The following NAT1 variants were observed in gnomAD, a reference collection of about 807,000 sequenced individuals.
NAT1 encodes N-acetyltransferase 1.
For missense variants in NAT1, 400 were observed against 339.2 expected (o/e 1.18, Z -1.41); for synonymous variants, 144 against 122.6 (o/e 1.17, Z -1.16).
At chr8:18,175,463 C>G (rs1232099262) in intron 2 of NAT1, among the ~76,000 whole-genome samples, 1 of 152,036 alleles carries the variant, frequency 6.6e-6, no homozygotes, top group Non-Finnish European at 1.5e-5. Context: ...TAAGATTATA[C>G]AGTATTTGTT....
chr8:18,199,895 G>A (rs1803391636), intron 2 of NAT1, among the ~76,000 whole-genome samples: 1 of 152,158 alleles, frequency 6.6e-6, no homozygotes, highest in Non-Finnish European at 1.5e-5. Context: ...CATACACATG[G>A]CCAACAAGTA....
At chr8:18,173,100 G>C (rs773174061) in intron 2 of NAT1, among the ~76,000 whole-genome samples, 1 of 151,540 alleles carries the variant, frequency 6.6e-6, no homozygotes, top group Non-Finnish European at 1.5e-5. Flanking sequence ...TCTCTGACTG[G>C]GCTCTCCTGG....
At chr8:18,213,675 T>C (rs532878252) in intron 1 of NAT1, among the ~76,000 whole-genome samples, 2 of 152,160 alleles carry the variant, frequency 1.3e-5, no homozygotes, top group Non-Finnish European at 2.9e-5. Flanking sequence ...GGCTCATGAA[T>C]TGCTATCTGT....
chr8:18,193,386 G>C lies in NAT1; in HGVS notation n.93-16395G>C, dbSNP rs903722942. 2.7e-5 allele frequency among the ~76,000 whole-genome samples: 4 copies of C among 149,786 alleles called. No homozygotes were observed. The South Asian group carries it at 6.3e-4, about 24-fold the overall frequency. On this transcript the variant is annotated intron_variant and non_coding_transcript_variant, in intron 2 of 4. Transcript: ENST00000517441. ...GCAGGAAGACTGCTTGAGCCTGGGA[G>C]GCAGGGGTTGCAGTGAGCTGAGATC...
At chr8:18,205,120 T>A (rs1803652411), upstream of NAT1, among the ~76,000 whole-genome samples, 1 of 152,114 alleles carries the variant, frequency 6.6e-6, no homozygotes. Context: ...GCCAAAGCAT[T>A]TCATAGTGCG....
At chr8:18,199,969 T>TC (rs1563174840) in intron 2 of NAT1, among the ~76,000 whole-genome samples, 1 of 151,998 alleles carries the variant, frequency 6.6e-6, no homozygotes, top group East Asian at 1.9e-4. Flanking sequence ...TGAGATACCA[T>TC]CCCCCACCAG....
At chr8:18,208,230 T>C (rs1181072739), upstream of NAT1, among the ~76,000 whole-genome samples, 1 of 151,990 alleles carries the variant, frequency 6.6e-6, no homozygotes, top group Non-Finnish European at 1.5e-5. Context: ...ATGGCACACA[T>C]TGACCTACGT....
At chr8:18,174,907 C>T (rs2117200439) in intron 2 of NAT1, among the ~76,000 whole-genome samples, 1 of 152,166 alleles carries the variant, frequency 6.6e-6, no homozygotes, top group South Asian at 2.1e-4. Flanking sequence ...ACACAGTCCT[C>T]AAAGGGTTTA....
chr8:18,196,589 C>T (rs1464858625), intron 2 of NAT1, among the ~76,000 whole-genome samples: 1 of 152,164 alleles, frequency 6.6e-6, no homozygotes, highest in African/African-American at 2.4e-5. Context: ...GACTTTGTTA[C>T]TTCTTTGCAT....
chr8:18,189,009 A>AAAAAG (rs1329509282), intron 2 of NAT1, among the ~76,000 whole-genome samples: 139 of 149,204 alleles, frequency 9.3e-4, no homozygotes, highest in African/African-American at 1.1e-3. Context: ...AAAAAAAAAA[A>AAAAAG]AAAGAAAGAA....
chr8:18,194,431 C>T (rs1212711575), intron 2 of NAT1, among the ~76,000 whole-genome samples: 3 of 152,150 alleles, frequency 2.0e-5, no homozygotes, highest in Non-Finnish European at 1.5e-5. Context: ...CAAGTCGTAT[C>T]TGTTGAGTCC....
At chr8:18,186,482 A>G (rs1268451255) in intron 2 of NAT1, among the ~76,000 whole-genome samples, 2 of 152,018 alleles carry the variant, frequency 1.3e-5, no homozygotes, top group Non-Finnish European at 2.9e-5. Context: ...TGTGTTTAAT[A>G]TCGCTACACA....
rs370519334 is a variant in NAT1, at chr8:18,192,790, C to T, written n.93-16991C>T. Among the ~76,000 whole-genome samples the T allele has an allele frequency of 1.7e-4, 25 of 148,152 alleles. 1 individual carries two copies. In the South Asian group the frequency reaches 1.7e-3, roughly 10 times the overall value. On this transcript the variant is annotated intron_variant and non_coding_transcript_variant, in intron 2 of 4. Transcript: ENST00000517441. Reference sequence around the variant, plus strand: ...TCACCCATAGATGGGAATTGAACAACGAGAACACATGGACACAGGAAGGGG... The same window carrying T: ...TCACCCATAGATGGGAATTGAACAATGAGAACACATGGACACAGGAAGGGG...
At chr8:18,172,799 C>A (rs2040474) in intron 2 of NAT1, among the ~76,000 whole-genome samples, 67,723 of 151,964 alleles carry the variant, frequency 0.45, 18,547 homozygotes, top group African/African-American at 0.78. Context: ...ATATTTGAGA[C>A]ATTGACTTCA....
intron 1 of NAT1, among the ~76,000 whole-genome samples, chr8:18,213,571 T>C (rs1482411033): frequency 1.3e-5 from 2 of 152,116 alleles, no homozygotes; most frequent in Non-Finnish European, 2.9e-5. Context: ...TAGCTTTTCT[T>C]TGTCTCACTC....
chr8:18,222,774 A>G lies in NAT1; in HGVS notation c.727A>G (p.Arg243Gly), dbSNP rs1805477566. Residue 243 changes from arginine to glycine, a missense_variant, in exon 3 of 3, where the codon AGA (arginine) becomes GGA (glycine). Coordinates refer to ENST00000307719, the MANE Select transcript of NAT1 (RefSeq NM_000662.8). ...CLVGFTLTHR[R>G]FNYKDNTDLI... ...GGTGGGCTTCACCCTCACCCATAGG[A>G]GATTCAATTATAAGGACAATACAGA... 6.2e-7 allele frequency: 1 copy of G among 1,613,472 alleles called. No homozygotes were observed. Among genetic ancestry groups the G allele is most frequent in the African/African-American group, 1.3e-5 (1 of 74,904 alleles).
At chr8:18,204,163 T>TCTC (rs1563177737) in intron 2 of NAT1, among the ~76,000 whole-genome samples, 1 of 148,622 alleles carries the variant, frequency 6.7e-6, no homozygotes, top group African/African-American at 2.5e-5. Flanking sequence ...TTGGATGTCT[T>TCTC]TCTCTCTCTC....
At chr8:18,192,438 C>A (rs1244462664) in intron 2 of NAT1, among the ~76,000 whole-genome samples, 7 of 152,172 alleles carry the variant, frequency 4.6e-5, no homozygotes, top group African/African-American at 1.7e-4. Context: ...GTGGCGATTC[C>A]TCAGGGATCT....
intron 2 of NAT1, among the ~76,000 whole-genome samples, chr8:18,188,532 T>C (rs921121961): frequency 2.0e-5 from 3 of 152,180 alleles, no homozygotes; most frequent in South Asian, 2.1e-4. Flanking sequence ...TTATCAACTT[T>C]TATTAAAATT....
Sources: allele counts gnomAD v4.1 joint callset (sites outside exome capture counted in the v4.1 genomes callset), GRCh38; gene constraint gnomAD v4.1.1; transcripts MANE v1.5; gene names NCBI Gene and HGNC (gene_info 2026-07-23, HGNC 2026-07-21).